Variants in MPC1 observed in about 807,000 individuals in gnomAD.
MPC1 encodes the protein HSPC040 protein.
MPC1 carries 6 observed loss-of-function variants against 13.9 expected under a neutral mutation model. The observed-to-expected ratio is 0.43, with a 90% confidence interval of 0.24 to 0.85. MPC1 has a LOEUF of 0.85. MPC1 is among the 40% of genes least tolerant of loss of function. The pLI, the probability that MPC1 is intolerant of heterozygous loss-of-function variation, is 0.24. For synonymous variants in MPC1, 47 were observed against 50.5 expected (o/e 0.93, Z 0.29); for missense variants, 115 against 143.3 (o/e 0.80, Z 1.01).
At chr6:166,369,297 G>A (rs960950211) in intron 2 of MPC1, among the ~76,000 whole-genome samples, 3 of 152,212 alleles carry the variant, frequency 2.0e-5, no homozygotes, top group Non-Finnish European at 4.4e-5. Flanking sequence ...AGCTACTAGG[G>A]AGGTTGAGGC....
intron 3 of MPC1, 152 bp from the exon 4 acceptor site, chr6:166,366,258 G>A: frequency 1.2e-6 from 1 of 821,624 alleles, no homozygotes; most frequent in East Asian, 2.8e-5. Flanking sequence ...TTAAATGCCT[G>A]TATCAATAGG....
intron 2 of MPC1, 162 bp from the exon 3 acceptor site, chr6:166,367,053 G>C: frequency 6.7e-7 from 1 of 1,493,566 alleles, no homozygotes; most frequent in Non-Finnish European, 8.9e-7. Context: ...TTAACATTTA[G>C]GTATTGGATT....
At chr6:166,366,933 T>C (rs919724038) in intron 2 of MPC1, 42 bp from the exon 3 acceptor site, 4 of 1,613,162 alleles carry the variant, frequency 2.5e-6, no homozygotes, top group Admixed American at 1.7e-5. Context: ...AGGAAAAAGT[T>C]AAGACAGAAC....
rs1779862496 is a variant in MPC1 at position 166,382,934 on chromosome 6, C to G, written c.-58G>C. 6 of 1,535,978 alleles carry G rather than the reference C, an allele frequency of 3.9e-6. No homozygotes were observed. The Admixed American group carries it at 9.2e-5, about 24-fold the overall frequency. On this transcript the variant is annotated 5_prime_UTR_variant, in exon 1 of 5. Coordinates refer to ENST00000360961, the MANE Select transcript of MPC1 (RefSeq NM_016098.4). ...TGCCTCTGCTGCCGCTTCCCAGAGC[C>G]AATGACACCCCGGCCAACCCCCCGG...
At chr6:166,381,418 C>T (rs535043858) in intron 1 of MPC1, among the ~76,000 whole-genome samples, 11 of 152,164 alleles carry the variant, frequency 7.2e-5, no homozygotes, top group Admixed American at 4.6e-4. Flanking sequence ...TTTTTTATTG[C>T]TAAAATCAAG....
chr6:166,368,714 C>T, intron 2 of MPC1: 1 of 972,558 alleles, frequency 1.0e-6, no homozygotes, highest in Non-Finnish European at 1.2e-6. Context: ...GAGTATCTAT[C>T]TCTCCCTTAC....
Position 166,372,378 on chromosome 6 carries a change from A to G in MPC1, c.72-2157T>C, listed in dbSNP as rs930565832. ...CTATTTTACAACAGATTACAAATGT[A>G]TGAGAATAAGGGAGATTATAAATGT... is the stretch of plus-strand genomic sequence containing the variant. On this transcript the variant is annotated intron_variant, in intron 1 of 4. Transcript: ENST00000360961. Among the ~76,000 whole-genome samples, 4 of 152,320 alleles carry G rather than the reference A, an allele frequency of 2.6e-5. No individual in the cohort carries two copies. In the South Asian group the frequency reaches 8.3e-4, roughly 32 times the overall value.
chr6:166,372,026 T>C (rs1186894534), intron 1 of MPC1, among the ~76,000 whole-genome samples: 2 of 152,178 alleles, frequency 1.3e-5, no homozygotes, highest in South Asian at 2.1e-4. Flanking sequence ...TTCATATATA[T>C]ACAAATATAA....
In MPC1 at chr6:166,373,261, C is replaced by CAGTA. The variant is rs765741296; in HGVS notation, c.72-3044_72-3041dup. On this transcript the variant is annotated intron_variant, in intron 1 of 4. Transcript: ENST00000360961. Reference sequence around the variant, plus strand: ...ACGCGTCCATCATCATAGTGTCTTACAGTAGTTTCACTCTCTAAAAATCCT... The same window carrying CAGTA: ...ACGCGTCCATCATCATAGTGTCTTACAGTAAGTAGTTTCACTCTCTAAAAATCCT... Among the ~76,000 whole-genome samples, 107 of 152,286 alleles carry CAGTA rather than the reference C, an allele frequency of 7.0e-4. 1 individual carries two copies. The highest frequency in any genetic ancestry group is 4.3e-4 in the Non-Finnish European group (29 of 68,036).
At chr6:166,366,926 A>G in intron 2 of MPC1, 35 bp from the exon 3 acceptor site, 1 of 1,613,326 alleles carries the variant, frequency 6.2e-7, no homozygotes, top group Non-Finnish European at 8.5e-7. Context: ...TGAAGAGAGG[A>G]AAAAGTTAAG....
At chr6:166,377,587 T>C (rs943794445) in intron 1 of MPC1, among the ~76,000 whole-genome samples, 4 of 152,234 alleles carry the variant, frequency 2.6e-5, no homozygotes, top group African/African-American at 7.2e-5. Flanking sequence ...ATTTCTAACA[T>C]TATTCAAAGT....
intron 1 of MPC1, among the ~76,000 whole-genome samples, chr6:166,374,217 T>C (rs1215640532): frequency 6.6e-6 from 1 of 152,190 alleles, no homozygotes; most frequent in African/African-American, 2.4e-5. Flanking sequence ...GGTCTCAAAC[T>C]CTTGACCTCA....
intron 1 of MPC1, among the ~76,000 whole-genome samples, chr6:166,378,074 T>C (rs1779633189): frequency 6.6e-6 from 1 of 152,250 alleles, no homozygotes; most frequent in Non-Finnish European, 1.5e-5. Flanking sequence ...ATCCAGAGGT[T>C]CTGAAGTTAT....
intron 1 of MPC1, among the ~76,000 whole-genome samples, chr6:166,378,361 C>T (rs1204800688): frequency 1.3e-5 from 2 of 152,114 alleles, no homozygotes; most frequent in Non-Finnish European, 2.9e-5. Context: ...GATTTTAAAG[C>T]ACTCTATGAT....
intron 3 of MPC1, 139 bp from the exon 4 acceptor site, chr6:166,366,245 T>C: frequency 1.1e-6 from 1 of 937,962 alleles, no homozygotes; most frequent in Admixed American, 3.3e-5. Flanking sequence ...TAAAAGTTGT[T>C]ACTTAAATGC....
chr6:166,368,113 C>T (rs1252478847), intron 2 of MPC1, among the ~76,000 whole-genome samples: 4 of 152,252 alleles, frequency 2.6e-5, no homozygotes, highest in Middle Eastern at 3.4e-3. Flanking sequence ...TCTTGAGATT[C>T]TGGGCTGGCT....
chr6:166,366,755 T>C (rs747362345), intron 3 of MPC1, 40 bp downstream of exon 3: 8 of 1,578,964 alleles, frequency 5.1e-6, no homozygotes, highest in African/African-American at 4.0e-5. Flanking sequence ...AGCTCTACTA[T>C]GTTGAAAGTC....
chr6:166,371,613 T>C (rs1322709171), intron 1 of MPC1, among the ~76,000 whole-genome samples: 1 of 152,210 alleles, frequency 6.6e-6, no homozygotes, highest in Non-Finnish European at 1.5e-5. Flanking sequence ...AGATTATAAT[T>C]TGTAACATGA....
chr6:166,382,438 G>A (rs1414239587), intron 1 of MPC1, among the ~76,000 whole-genome samples: 1 of 151,228 alleles, frequency 6.6e-6, no homozygotes, highest in Non-Finnish European at 1.5e-5. Context: ...CCTGCCTTGA[G>A]GGGCGCCCAC....
Sources: gnomAD v4.1 joint callset for allele counts (sites outside exome capture counted in the v4.1 genomes callset) on GRCh38, gnomAD v4.1.1 for gene constraint, MANE v1.5 for transcripts, NCBI Gene and HGNC (gene_info 2026-07-23, HGNC 2026-07-21) for gene names.